Variants in HEATR6 observed in about 807,000 individuals in gnomAD.
HEATR6 encodes HEAT repeat-containing protein 6.
In HEATR6, 106 loss-of-function variants were observed where a neutral mutation model predicts 132.8. The ratio of observed to expected loss-of-function variants is 0.80; its 90% confidence interval spans 0.68 to 0.94. The LOEUF is 0.94. Ranked by LOEUF, HEATR6 falls within the 40% of genes least tolerant of loss-of-function variation. HEATR6 has a pLI of 0.00. For missense variants in HEATR6, 1,339 were observed against 1,425.1 expected (o/e 0.94, Z 0.97); for synonymous variants, 529 against 537.8 (o/e 0.98, Z 0.23).
At chr17:60,074,173 G>T in intron 2 of HEATR6, 2 of 1,101,688 alleles carry the variant, frequency 1.8e-6, no homozygotes, top group Non-Finnish European at 2.2e-6. Context: ...TGAATACACA[G>T]ATATGAGTAT....
In HEATR6 at chr17:60,043,566, C is replaced by T; in HGVS notation, c.3543G>A (p.Gln1181=). The change falls in exon 20 of 20, where the codon CAG becomes CAA. Residue 1181 remains glutamine, a synonymous_variant. Transcript: ENST00000184956. ...TCTAGAAAGTATGGTGGGATCTTCA[C>T]TGATTTGTTAACCCTGGGAGTGCCC... The part of the protein sequence containing the change: ...SQGALPGLTN[Q] 1 of 1,606,772 alleles carries T rather than the reference C, an allele frequency of 6.2e-7. No homozygotes were observed. The highest frequency in any genetic ancestry group is 8.5e-7 in the Non-Finnish European group (1 of 1,174,464).
chr17:60,066,518 C>G, intron 8 of HEATR6, 132 bp from the exon 9 acceptor site: 1 of 683,988 alleles, frequency 1.5e-6, no homozygotes, highest in Non-Finnish European at 2.3e-6. Flanking sequence ...TAAATAATTC[C>G]TAAAGATGTC....
chr17:60,068,892 T>C (rs193113993), intron 7 of HEATR6, among the ~76,000 whole-genome samples: 2 of 152,266 alleles, frequency 1.3e-5, no homozygotes, highest in East Asian at 3.9e-4. Context: ...TGCATTGTAG[T>C]TGTTTATTTA....
At chr17:60,069,141 G>C (rs772607806) in intron 7 of HEATR6, among the ~76,000 whole-genome samples, 33 of 152,224 alleles carry the variant, frequency 2.2e-4, no homozygotes, top group Non-Finnish European at 4.4e-4. Context: ...GCAGCTTCTG[G>C]AAAGGCTGGG....
At position 60,043,628 on chromosome 17, in the gene HEATR6, T is replaced by G. The variant is rs1906259743; in HGVS notation, c.3481A>C (p.Ile1161Leu). The change falls in exon 20 of 20, where the codon ATC becomes CTC. Residue 1161 changes from isoleucine (I) to leucine (L), a missense_variant. Physicochemically the swap from Ile to Leu is conservative, Grantham distance 5 (BLOSUM62 2). Transcript: ENST00000184956. ...GATGAGTCAAAACAAACGGCCAGGATCTCTTCTAAAAAGCCCATGATGGCC... is the reference window on the plus strand; with the variant it reads ...GATGAGTCAAAACAAACGGCCAGGAGCTCTTCTAAAAAGCCCATGATGGCC... ...RRAIMGFLEEILAVCFDSSGS... is the reference protein window; with the variant it reads ...RRAIMGFLEELLAVCFDSSGS... The G allele has an allele frequency of 6.2e-7, 1 of 1,613,942 alleles. No homozygotes were observed. The highest frequency in any genetic ancestry group is 1.1e-5 in the South Asian group (1 of 91,082).
At chr17:60,051,022 G>C in intron 14 of HEATR6, 45 bp from the exon 15 acceptor site, 1 of 1,604,864 alleles carries the variant, frequency 6.2e-7, no homozygotes. Context: ...GACATAACAG[G>C]GGAACCAACT....
chr17:60,067,127 G>A (rs1051720674), intron 8 of HEATR6, among the ~76,000 whole-genome samples: 48 of 151,624 alleles, frequency 3.2e-4, no homozygotes, highest in African/African-American at 1.0e-3. Flanking sequence ...AAAATTAGCC[G>A]GGCGTAGTGG....
At chr17:60,069,682 A>G (rs1354936465) in intron 7 of HEATR6, 29 bp downstream of exon 7, 1 of 1,605,502 alleles carries the variant, frequency 6.2e-7, no homozygotes, top group South Asian at 1.1e-5. Flanking sequence ...AATAAGCCAC[A>G]ACTTAAATCT....
At chr17:60,046,339 T>A in intron 18 of HEATR6, 110 bp from the exon 19 acceptor site, 1 of 740,100 alleles carries the variant, frequency 1.4e-6, no homozygotes. Context: ...TTAAAGCAAG[T>A]CCTTGGAACT....
At position 60,066,155 on chromosome 17, in the gene HEATR6, G is replaced by A. The variant is rs60238572; in HGVS notation, c.1416+54C>T. On this transcript the variant is annotated intron_variant, in intron 9 of 19. Transcript: ENST00000184956. ...CAGGATAAGGCAGAGATAACAATAA[G>A]GATCTGTAAATTTTTTCTTCCTATT... The A allele has an allele frequency of 8.3e-4, 1,172 of 1,405,556 alleles. 6 individuals are homozygous for A. In the African/African-American group the frequency reaches 0.015, roughly 19 times the overall value. 87.1% of individuals were successfully genotyped at this position (1,405,556 alleles called of 1,614,324 possible). A position where few individuals can be genotyped will look rare whatever the true frequency, so the allele number is the denominator to read the frequency against.
chr17:60,069,535 G>A lies in HEATR6; in HGVS notation c.939+176C>T, dbSNP rs375311342. Among the ~76,000 whole-genome samples the A allele has an allele frequency of 1.3e-3, 205 of 152,282 alleles. No individual in the cohort carries two copies. Among genetic ancestry groups the A allele is most frequent in the African/African-American group, 4.6e-3 (193 of 41,546 alleles). ...ACTACACCTCTAAGAAGTATAAGAT[G>A]CTTTAATTGGTATTTTGAGCATCAG... On this transcript the variant is annotated intron_variant, in intron 7 of 19. Coordinates refer to ENST00000184956, the MANE Select transcript of HEATR6 (RefSeq NM_022070.5).
rs572919553 is a variant in HEATR6 at position 60,067,583 on chromosome 17, G to C, written c.1089C>G (p.Ser363=). The C allele has an allele frequency of 1.9e-5, 30 of 1,613,234 alleles. No individual in the cohort carries two copies. In the South Asian group the frequency reaches 3.3e-4, roughly 18 times the overall value. ...CTAAAGGCAAACTCTGGACACCCAG[G>C]GAGGAGGGACACCAAGTGTTCCCTT... The part of the protein sequence containing the change: ...LHEGNTWCPS[S]LGVQSLPLDG... Residue 363 remains serine, a synonymous_variant, in exon 8 of 20, where the codon TCC becomes TCG. Coordinates refer to ENST00000184956, the MANE Select transcript of HEATR6 (RefSeq NM_022070.5).
chr17:60,066,088 G>C (rs758092018), intron 9 of HEATR6, 121 bp downstream of exon 9: 3 of 802,340 alleles, frequency 3.7e-6, no homozygotes, highest in East Asian at 5.4e-5. Flanking sequence ...TGGTCAAGTC[G>C]GAACTTGGGT....
chr17:60,053,516 G>A (rs1906650341), intron 14 of HEATR6, among the ~76,000 whole-genome samples: 1 of 152,198 alleles, frequency 6.6e-6, no homozygotes, highest in South Asian at 2.1e-4. Context: ...GAGTTTGGAA[G>A]GCTCAGAAGA....
At position 60,073,709 on chromosome 17, in the gene HEATR6, T is replaced by C. The variant is rs866650413; in HGVS notation, c.468+37A>G. 16 of 1,603,208 alleles carry C rather than the reference T, an allele frequency of 1.0e-5. 1 individual carries two copies. The Middle Eastern group carries it at 2.0e-3, about 199-fold the overall frequency. ...GTGTTGGCACCAGAGTCTGTGCTCC[T>C]GGCCTTTCAAAGGAAGGATAAAGCA... On this transcript the variant is annotated intron_variant, in intron 3 of 19. Transcript: ENST00000184956.
intron 4 of HEATR6, 65 bp downstream of exon 4, chr17:60,073,099 C>T (rs147060626): frequency 2.2e-6 from 2 of 908,592 alleles, no homozygotes; most frequent in Non-Finnish European, 3.6e-6. Flanking sequence ...CAGGGAACTA[C>T]CTACAAAGGG....
intron 16 of HEATR6, among the ~76,000 whole-genome samples, chr17:60,048,973 A>G (rs1472951086): frequency 5.7e-5 from 4 of 70,352 alleles, no homozygotes; most frequent in African/African-American, 5.2e-4. Context: ...AATAAATAAC[A>G]TATATATATA....
chr17:60,054,587 G>C (rs1906684652), intron 14 of HEATR6, among the ~76,000 whole-genome samples: 1 of 152,240 alleles, frequency 6.6e-6, no homozygotes, highest in African/African-American at 2.4e-5. Context: ...GGAGCTTTAA[G>C]GTTTAATGTC....
chr17:60,055,493 CTA>C lies in HEATR6; in HGVS notation c.2289+20_2289+21del. On this transcript the variant is annotated intron_variant, in intron 14 of 19. Transcript: ENST00000184956. ...CAACTGAAGCATTAATAAAAGAAAA[CTA>C]TGAATTGACATTTATTTACCAAGAA... 6.5e-7 allele frequency: 1 copy of C among 1,542,412 alleles called. No homozygotes were observed. The highest frequency in any genetic ancestry group is 8.9e-7 in the Non-Finnish European group (1 of 1,126,820).
Sources: allele counts gnomAD v4.1 joint callset (sites outside exome capture counted in the v4.1 genomes callset), GRCh38; gene constraint gnomAD v4.1.1; transcripts MANE v1.5; gene names NCBI Gene and HGNC (gene_info 2026-07-23, HGNC 2026-07-21).